Variants in ZDHHC17 observed in about 807,000 individuals in gnomAD.
ZDHHC17 encodes zDHHC palmitoyltransferase 17.
In ZDHHC17, 40 loss-of-function variants were observed where a neutral mutation model predicts 90.3. The observed-to-expected ratio is 0.44, with a 90% CI of 0.34 to 0.58. The LOEUF is 0.58. Ranked by LOEUF, ZDHHC17 falls within the 20% of genes least tolerant of loss-of-function variation. The pLI is 0.01. For synonymous variants in ZDHHC17, 235 were observed against 252.4 expected, an observed-to-expected ratio of 0.93 and a Z score of 0.65; for missense variants, 614 against 780.8, an observed-to-expected ratio of 0.79 and a Z score of 2.55.
intron 7 of ZDHHC17, among the ~76,000 whole-genome samples, chr12:76,816,566 T>G (rs1430195988): frequency 1.3e-5 from 2 of 152,008 alleles, no homozygotes; most frequent in African/African-American, 4.8e-5. Flanking sequence ...TTGGCTATAA[T>G]TTATAGTATT....
At position 76,828,481 on chromosome 12, in the gene ZDHHC17, T is replaced by C; in HGVS notation, c.1132T>C (p.Phe378Leu). 1 of 1,612,936 alleles carries C rather than the reference T, an allele frequency of 6.2e-7. No individual in the cohort carries two copies. The highest frequency in any genetic ancestry group is 2.2e-5 in the East Asian group (1 of 44,746). Residue 378 changes from phenylalanine (F) to leucine (L), a missense_variant, in exon 10 of 17, where the codon TTT becomes CTT. This residue lies in a region of ZDHHC17 where 117 missense variants were observed against 183.6 expected (regional missense o/e 0.64). Coordinates refer to ENST00000426126, the MANE Select transcript of ZDHHC17 (RefSeq NM_015336.4). ...GATGTATGTGACGTGGTTCTTCTGG[T>C]TTTGGAATGATATCCTTTGGTTATA... ...FWMYVTWFFWFWNDLNFLFIH... is the reference protein window; with the variant it reads ...FWMYVTWFFWLWNDLNFLFIH...
At chr12:76,811,319 C>A (rs1320372097) in intron 5 of ZDHHC17, among the ~76,000 whole-genome samples, 1 of 152,174 alleles carries the variant, frequency 6.6e-6, no homozygotes, top group Non-Finnish European at 1.5e-5. Context: ...TGCTATAGCA[C>A]ATCACAAGGT....
chr12:76,764,475 GC>G (rs1952406022), intron 1 of ZDHHC17, 146 bp downstream of exon 1: 1 of 723,446 alleles, frequency 1.4e-6, no homozygotes, highest in South Asian at 1.9e-5. Flanking sequence ...AGGCCTGAGC[GC>G]GGCTGCGAGC....
At position 76,826,917 on chromosome 12, in the gene ZDHHC17, C is replaced by A; in HGVS notation, c.907C>A (p.Gln303Lys). The A allele has an allele frequency of 6.6e-7, 1 of 1,509,912 alleles. No homozygotes were observed. Among genetic ancestry groups the A allele is most frequent in the South Asian group, 1.4e-5 (1 of 73,454 alleles). 93.5% of individuals were successfully genotyped at this position (1,509,912 alleles called of 1,614,324 possible). The change falls in exon 9 of 17, where the codon CAG becomes AAG. Residue 303 changes from glutamine to lysine, a missense_variant. Physicochemically the swap from Gln to Lys is moderately conservative, Grantham distance 53. Coordinates refer to ENST00000426126, the MANE Select transcript of ZDHHC17 (RefSeq NM_015336.4). ...RKLKADKEFR[Q>K]KVMLGTPFLV... ...TTTTGTTTCTATACAGGAATTTCGGCAGAAAGTAATGTTAGGAACTCCTTT... is the reference window on the plus strand; with the variant it reads ...TTTTGTTTCTATACAGGAATTTCGGAAGAAAGTAATGTTAGGAACTCCTTT...
At chr12:76,842,308 A>AT (rs1953445160) in intron 11 of ZDHHC17, among the ~76,000 whole-genome samples, 2 of 152,248 alleles carry the variant, frequency 1.3e-5, no homozygotes, top group South Asian at 4.1e-4. Context: ...ACATTTTATA[A>AT]TTTCGTGTTT....
intron 7 of ZDHHC17, among the ~76,000 whole-genome samples, chr12:76,818,022 T>C (rs1252436796): frequency 6.6e-6 from 1 of 152,156 alleles, no homozygotes; most frequent in Non-Finnish European, 1.5e-5. Context: ...TATTTTCTTT[T>C]TATTAATGTT....
chr12:76,764,330 G>T lies in ZDHHC17; in HGVS notation c.93+1G>T. The T allele has an allele frequency of 6.3e-7, 1 of 1,592,904 alleles. No homozygotes were observed. The highest frequency in any genetic ancestry group is 8.6e-7 in the Non-Finnish European group (1 of 1,169,022). Reference sequence around the variant, plus strand: ...CTGTGTGCCCCTTCTCCACCCAGAGGTGAGGAACCGTGCTGAGTGGATTCC... The same window carrying T: ...CTGTGTGCCCCTTCTCCACCCAGAGTTGAGGAACCGTGCTGAGTGGATTCC... On this transcript the variant is annotated splice_donor_variant, in intron 1 of 16. Coordinates refer to ENST00000426126, the MANE Select transcript of ZDHHC17 (RefSeq NM_015336.4). LOFTEE classifies it high-confidence loss of function.
intron 1 of ZDHHC17, among the ~76,000 whole-genome samples, chr12:76,766,429 C>G (rs1422191178): frequency 6.6e-6 from 1 of 152,132 alleles, no homozygotes; most frequent in African/African-American, 2.4e-5. Context: ...GAATACGTCT[C>G]TGAGTTCTAG....
intron 8 of ZDHHC17, among the ~76,000 whole-genome samples, chr12:76,824,342 G>T (rs188491121): frequency 1.1e-4 from 16 of 151,530 alleles, no homozygotes; most frequent in South Asian, 2.1e-4. Flanking sequence ...TTTTATAAAG[G>T]TTCCTTTTAA....
chr12:76,798,547 C>CA lies in ZDHHC17; in HGVS notation c.197+1017dup, dbSNP rs534487248. 7.9e-5 allele frequency among the ~76,000 whole-genome samples: 11 copies of CA among 138,394 alleles called. No individual in the cohort carries two copies. The East Asian group carries it at 2.0e-3, about 26-fold the overall frequency. 90.8% of individuals were successfully genotyped at this position (138,394 alleles called of 152,430 possible). On this transcript the variant is annotated intron_variant, in intron 2 of 16. Transcript: ENST00000426126. ...GCAATAGAATGAGACCCTGTCTCTG[C>CA]AAAAAAAGAAAAAAAAAAAAAGTAG... is the stretch of plus-strand genomic sequence containing the variant.
At chr12:76,815,825 TG>T (rs749766500) in intron 6 of ZDHHC17, 31 bp from the exon 7 acceptor site, 16 of 1,458,542 alleles carry the variant, frequency 1.1e-5, no homozygotes, top group Non-Finnish European at 1.5e-5. Context: ...GGGTTGTTGT[TG>T]TTGTTTGTTT....
At chr12:76,829,576 C>T (rs1953274812) in intron 10 of ZDHHC17, among the ~76,000 whole-genome samples, 1 of 147,976 alleles carries the variant, frequency 6.8e-6, no homozygotes, top group Non-Finnish European at 1.5e-5. Context: ...GGGATTGAAA[C>T]TTGTATTTTT....
At chr12:76,818,750 C>G (rs1201257152) in intron 7 of ZDHHC17, among the ~76,000 whole-genome samples, 1 of 152,182 alleles carries the variant, frequency 6.6e-6, no homozygotes, top group East Asian at 1.9e-4. Flanking sequence ...GGTGAAGTCA[C>G]TTGAGAAACA....
intron 1 of ZDHHC17, among the ~76,000 whole-genome samples, chr12:76,786,160 G>T (rs1051375382): frequency 1.3e-5 from 2 of 150,134 alleles, no homozygotes; most frequent in Non-Finnish European, 3.0e-5. Flanking sequence ...TTGCTCTGTT[G>T]CCCAGGAGTG....
chr12:76,819,964 G>T (rs1038742840), intron 7 of ZDHHC17, among the ~76,000 whole-genome samples: 1 of 141,068 alleles, frequency 7.1e-6, no homozygotes, highest in Non-Finnish European at 1.5e-5. Flanking sequence ...TTGCACTCAA[G>T]CCTGGGCAAC....
At chr12:76,829,127 CTA>C (rs1397354843) in intron 10 of ZDHHC17, among the ~76,000 whole-genome samples, 1 of 152,060 alleles carries the variant, frequency 6.6e-6, no homozygotes, top group African/African-American at 2.4e-5. Context: ...AGTACAACCT[CTA>C]TGGAAAACAG....
At chr12:76,846,726 C>A in intron 14 of ZDHHC17, 47 bp downstream of exon 14, 1 of 1,454,282 alleles carries the variant, frequency 6.9e-7, no homozygotes, top group Admixed American at 2.0e-5. Flanking sequence ...TTTCTGCATA[C>A]TTAGATTATA....
intron 7 of ZDHHC17, among the ~76,000 whole-genome samples, chr12:76,818,863 T>A (rs1165500843): frequency 6.6e-6 from 1 of 152,230 alleles, no homozygotes; most frequent in African/African-American, 2.4e-5. Flanking sequence ...ATGATCTGCT[T>A]TTTGTTTTAA....
chr12:76,841,664 T>C (rs1953437099), intron 10 of ZDHHC17, among the ~76,000 whole-genome samples: 1 of 152,108 alleles, frequency 6.6e-6, no homozygotes, highest in Non-Finnish European at 1.5e-5. Context: ...TGCCTAAAGA[T>C]TGCAGTGCAT....
Sources: allele counts gnomAD v4.1 joint callset (sites outside exome capture counted in the v4.1 genomes callset), GRCh38; gene constraint gnomAD v4.1.1; regional missense constraint gnomAD v4.1.1; transcripts MANE v1.5; gene names NCBI Gene and HGNC (gene_info 2026-07-23, HGNC 2026-07-21).